KLC1: variants seen among roughly 807,000 people sequenced by gnomAD.
KLC1 encodes kinesin 2 60/70kDa.
A neutral mutation model predicts 84.2 loss-of-function variants in KLC1; 30 were observed. The ratio of observed to expected loss-of-function variants is 0.36; its 90% CI spans 0.27 to 0.48. KLC1 has a LOEUF of 0.48. Ranked by LOEUF, KLC1 falls within the 20% of genes least tolerant of loss-of-function variation. KLC1 has a pLI of 0.99. For missense variants in KLC1, 499 were observed against 805.4 expected, an observed-to-expected ratio of 0.62 and a Z score of 4.60; for synonymous variants, 289 against 293.3, an observed-to-expected ratio of 0.99 and a Z score of 0.15.
intron 1 of KLC1, among the ~76,000 whole-genome samples, chr14:103,634,688 G>A (rs1024640435): frequency 1.7e-4 from 26 of 152,232 alleles, no homozygotes; most frequent in African/African-American, 5.5e-4. Context: ...GTTGGACTGA[G>A]AAGTCTCTAT....
At chr14:103,655,477 T>C (rs1218265786) in intron 2 of KLC1, among the ~76,000 whole-genome samples, 1 of 151,310 alleles carries the variant, frequency 6.6e-6, no homozygotes, top group Non-Finnish European at 1.5e-5. Context: ...TAATTTTGTA[T>C]TTTTAGTAGA....
chr14:103,632,070 T>G (rs1242200283), intron 1 of KLC1, among the ~76,000 whole-genome samples: 1 of 152,226 alleles, frequency 6.6e-6, no homozygotes, highest in Non-Finnish European at 1.5e-5. Context: ...TGGCAGGTAC[T>G]GTGCTGAGTA....
Position 103,693,838 on chromosome 14 carries a change from A to C in KLC1, c.1848+1413A>C. 1.5e-6 allele frequency: 2 copies of C among 1,378,326 alleles called. No individual in the cohort carries two copies. Among genetic ancestry groups the C allele is most frequent in the Non-Finnish European group, 1.9e-6 (2 of 1,068,552 alleles). 85.4% of individuals were successfully genotyped at this position (1,378,326 alleles called of 1,614,324 possible). A position where few individuals can be genotyped will look rare whatever the true frequency, so the allele number is the denominator to read the frequency against. On this transcript the variant is annotated intron_variant, in intron 15 of 16. Coordinates refer to ENST00000334553, the MANE Select transcript of KLC1 (RefSeq NM_001394837.1). This position sits in a 1 kb window ranked among gnomAD's most constrained non-coding sequence, Gnocchi z 5.1. ...AGCCCCAGTGCCAGGAGCCACCCCG[A>C]CCGCGACCCGGCCAGGCTGGCTCAG...
chr14:103,696,451 TTAAACATTGC>T, intron 15 of KLC1: 1 of 984,196 alleles, frequency 1.0e-6, no homozygotes, highest in Non-Finnish European at 1.2e-6. Flanking sequence ...GTAAGATGTA[TTAAACATTGC>T]TAATGATGTA....
At chr14:103,699,020 G>T in intron 15 of KLC1, 1 of 1,582,010 alleles carries the variant, frequency 6.3e-7, no homozygotes, top group Admixed American at 1.8e-5. Context: ...CCCAGAACCT[G>T]AGAAACAGGA....
At chr14:103,668,227 T>A (rs1355664313) in intron 5 of KLC1, among the ~76,000 whole-genome samples, 1 of 152,222 alleles carries the variant, frequency 6.6e-6, no homozygotes, top group Non-Finnish European at 1.5e-5. Context: ...GACACTAGAA[T>A]TAATTCTGTC....
At chr14:103,666,775 T>C (rs1191572579) in intron 5 of KLC1, among the ~76,000 whole-genome samples, 1 of 112,094 alleles carries the variant, frequency 8.9e-6, no homozygotes, top group African/African-American at 3.0e-5. Context: ...TTTTTTTTCT[T>C]TCTTTTTTTT....
chr14:103,675,903 C>T, intron 11 of KLC1, 147 bp downstream of exon 11: 1 of 642,350 alleles, frequency 1.6e-6, no homozygotes, highest in Admixed American at 2.9e-5. Flanking sequence ...TAAAAAAACC[C>T]CACTAACCTT....
rs1333897292 is a variant in KLC1 at position 103,694,690 on chromosome 14, C to T, written c.1848+2265C>T. On this transcript the variant is annotated intron_variant, in intron 15 of 16. Transcript: ENST00000334553. The surrounding 1 kb of genome is among the most constrained non-coding windows in gnomAD (Gnocchi z 4.5). Reference sequence around the variant, plus strand: ...GATGGAGGGGCGGTCTGTGAAACACCAGCCATCCCGTGAAAGCTCAGCTTG... The same window carrying T: ...GATGGAGGGGCGGTCTGTGAAACACTAGCCATCCCGTGAAAGCTCAGCTTG... 6 of 985,326 alleles carry T rather than the reference C, an allele frequency of 6.1e-6. No homozygotes were observed. Among genetic ancestry groups the T allele is most frequent in the Non-Finnish European group, 7.2e-6 (6 of 829,952 alleles). The allele number at this position is 985,326 out of a possible 1,614,324, so 61.0% of individuals were successfully genotyped here.
intron 14 of KLC1, among the ~76,000 whole-genome samples, chr14:103,689,274 C>A (rs879568809): frequency 5.3e-5 from 8 of 152,190 alleles, no homozygotes; most frequent in African/African-American, 1.9e-4. Flanking sequence ...CACACTCCCA[C>A]ATGACAGCTC....
chr14:103,687,451 A>G (rs186354057), intron 14 of KLC1: 1 of 192,046 alleles, frequency 5.2e-6, no homozygotes, highest in East Asian at 1.2e-4. Flanking sequence ...AAATTTATGG[A>G]ATTTTTTGAT....
rs1441116196 is a variant in KLC1, at chr14:103,679,441, A to G, written c.1546A>G (p.Met516Val). The G allele has an allele frequency of 8.1e-6, 13 of 1,614,066 alleles. No individual in the cohort carries two copies. Among genetic ancestry groups the G allele is most frequent in the South Asian group, 1.1e-5 (1 of 91,084 alleles). The change falls in exon 13 of 17, where the codon ATG (methionine) becomes GTG (valine). Residue 516 changes from methionine (M) to valine (V), a missense_variant. Met to Val is a conservative substitution (Grantham distance 21). This residue lies in a region of KLC1 where 167 missense variants were observed against 208.8 expected (regional missense o/e 0.80). Coordinates refer to ENST00000334553, the MANE Select transcript of KLC1 (RefSeq NM_001394837.1). ...AGAAGTGCTCAATGACCCTGAGAAC[A>G]TGGAGAAGCGCAGGAGCCGTGAGAG... Reference protein sequence around the residue: ...VAEVLNDPENMEKRRSRESLN... With the variant: ...VAEVLNDPENVEKRRSRESLN...
At chr14:103,656,304 G>A (rs559766854) in intron 2 of KLC1, among the ~76,000 whole-genome samples, 1 of 152,182 alleles carries the variant, frequency 6.6e-6, no homozygotes, top group East Asian at 1.9e-4. Flanking sequence ...TGGCCAGTGG[G>A]TGATGGTCTC....
chr14:103,700,697 C>T lies in KLC1; in HGVS notation c.1891C>T (p.Gln631Ter), dbSNP rs780370537. Residue 631 changes from glutamine (Q) to a stop codon, truncating the protein, a stop_gained, in exon 16 of 17, where the codon CAG becomes TAG. Coordinates refer to ENST00000334553, the MANE Select transcript of KLC1 (RefSeq NM_001394837.1). LOFTEE classifies it high-confidence loss of function. ...CTCTTTTTGTGGAAAACGACAGCAG[C>T]AGCAGTGGCCTGGAAGACGCCACCG... ...RASFCGKRQQ[Q>*]QWPGRRHR 88 of 1,605,350 alleles carry T rather than the reference C, an allele frequency of 5.5e-5. 1 individual carries two copies. The highest frequency in any genetic ancestry group is 6.6e-5 in the Non-Finnish European group (78 of 1,176,682).
chr14:103,684,631 A>G (rs2151809728), intron 13 of KLC1: 1 of 205,418 alleles, frequency 4.9e-6, no homozygotes, highest in East Asian at 1.2e-4. Context: ...CAATTCTGGG[A>G]CTCCTGGGCC....
chr14:103,642,747 A>C (rs2077586267), intron 1 of KLC1, among the ~76,000 whole-genome samples: 1 of 151,888 alleles, frequency 6.6e-6, no homozygotes, highest in African/African-American at 2.4e-5. Context: ...TAAAATAAAT[A>C]ATGTAGTTTT....
intron 14 of KLC1, among the ~76,000 whole-genome samples, chr14:103,689,132 T>C (rs2081950398): frequency 6.6e-6 from 1 of 152,158 alleles, no homozygotes; most frequent in African/African-American, 2.4e-5. Context: ...AGGAATTACA[T>C]GATGCCCAGA....
intron 11 of KLC1, among the ~76,000 whole-genome samples, 195 bp downstream of exon 11, chr14:103,675,951 A>G (rs1397362339): frequency 6.6e-6 from 1 of 152,184 alleles, no homozygotes; most frequent in Non-Finnish European, 1.5e-5. Context: ...ACCCACTATC[A>G]TGTTAGGTTG....
At chr14:103,642,187 C>T (rs2077547024) in intron 1 of KLC1, among the ~76,000 whole-genome samples, 1 of 152,148 alleles carries the variant, frequency 6.6e-6, no homozygotes, top group Non-Finnish European at 1.5e-5. Context: ...ACCTCGGCCT[C>T]CCAGAGTGCT....
Sources: allele counts gnomAD v4.1 joint callset (sites outside exome capture counted in the v4.1 genomes callset), GRCh38; gene constraint gnomAD v4.1.1; regional missense constraint gnomAD v4.1.1; non-coding constraint Gnocchi (gnomAD v3.1); transcripts MANE v1.5; gene names NCBI Gene and HGNC (gene_info 2026-07-23, HGNC 2026-07-21).